SLC30A9: variants seen among roughly 807,000 people sequenced by gnomAD.
SLC30A9 encodes the protein solute carrier family 30 member 9.
SLC30A9 carries 58 observed loss-of-function variants against 87.5 expected under a neutral mutation model. That is an observed-to-expected ratio of 0.66 (90% CI 0.54 to 0.82). The LOEUF (loss-of-function observed/expected upper bound fraction) is 0.82, where lower values mean the gene tolerates loss of function less well. Among genes scored for constraint, SLC30A9 ranks in the 40% least tolerant of loss-of-function variants. The pLI, the probability that SLC30A9 is intolerant of heterozygous loss-of-function variation, is 0.00. For synonymous variants in SLC30A9, 234 were observed against 233.0 expected (o/e 1.00, Z -0.04); for missense variants, 557 against 679.1 (o/e 0.82, Z 2.00).
At chr4:42,078,359 A>T in intron 17 of SLC30A9, 34 bp downstream of exon 17, 1 of 1,122,216 alleles carries the variant, frequency 8.9e-7, no homozygotes, top group Non-Finnish European at 1.3e-6. Flanking sequence ...CATAATGATA[A>T]TGGCAGCTAT....
intron 15 of SLC30A9, among the ~76,000 whole-genome samples, 178 bp downstream of exon 15, chr4:42,070,869 C>G (rs181000278): frequency 6.6e-6 from 1 of 152,258 alleles, no homozygotes; most frequent in Non-Finnish European, 1.5e-5. Flanking sequence ...TAGGAAACTC[C>G]TTCTAAGTTT....
intron 17 of SLC30A9, among the ~76,000 whole-genome samples, chr4:42,082,771 C>CTGGG (rs1718788263): frequency 6.6e-6 from 1 of 151,286 alleles, no homozygotes; most frequent in Non-Finnish European, 1.5e-5. Context: ...TTGCTTGAAC[C>CTGGG]TGGGAGGTGG....
intron 15 of SLC30A9, among the ~76,000 whole-genome samples, chr4:42,075,057 A>T (rs1411108340): frequency 4.0e-3 from 87 of 21,520 alleles, no homozygotes; most frequent in Non-Finnish European, 5.9e-3. Flanking sequence ...ATATATATAT[A>T]TATTTTTTTT....
rs1716640950 is a variant in SLC30A9, at chr4:42,035,465, T to C, written c.669+132T>C. On this transcript the variant is annotated intron_variant, in intron 7 of 17. Coordinates refer to ENST00000264451, the MANE Select transcript of SLC30A9 (RefSeq NM_006345.4). ...CTTGAGTACATTGTAGTTCACTGAA[T>C]TATAGTCAATTCATTCATTTCCGTC... 3 of 1,016,980 alleles carry C rather than the reference T, an allele frequency of 2.9e-6. No homozygotes were observed. In the African/African-American group the frequency reaches 4.9e-5, roughly 17 times the overall value. 63.0% of individuals were successfully genotyped at this position (1,016,980 alleles called of 1,614,324 possible).
chr4:42,057,473 G>A (rs1463431110), intron 9 of SLC30A9, among the ~76,000 whole-genome samples: 2 of 152,210 alleles, frequency 1.3e-5, no homozygotes, highest in Non-Finnish European at 2.9e-5. Flanking sequence ...AATAGCTGGA[G>A]CTGTACCTTG....
rs56190460 is a variant in SLC30A9 at position 42,053,695 on chromosome 4, C to CAAAAAAAAAAA, written c.840+4235_840+4245dup. Among the ~76,000 whole-genome samples, 23 of 55,926 alleles carry CAAAAAAAAAAA rather than the reference C, an allele frequency of 4.1e-4. 1 individual carries two copies. Among genetic ancestry groups the CAAAAAAAAAAA allele is most frequent in the African/African-American group, 1.2e-3 (13 of 10,540 alleles). The allele number at this position is 55,926 out of a possible 152,430, so 36.7% of individuals were successfully genotyped here. On this transcript the variant is annotated intron_variant, in intron 9 of 17. Transcript: ENST00000264451. ...TGGATGACAAGAGTGACTCGGTCTC[C>CAAAAAAAAAAA]AAAAAAAAAAAAAAAAAAAAAAAAA...
At position 42,086,227 on chromosome 4, in the gene SLC30A9, T is replaced by C. The variant is rs1290392936; in HGVS notation, c.*101T>C. ...TCCTACACTGAAAGACTCAGTGCCA[T>C]GCAGAAGCCTTTTTTTTAAGATGAA... On this transcript the variant is annotated 3_prime_UTR_variant, in exon 18 of 18. Transcript: ENST00000264451. 3.3e-6 allele frequency: 2 copies of C among 608,290 alleles called. No individual in the cohort carries two copies. The highest frequency in any genetic ancestry group is 5.6e-6 in the Non-Finnish European group (2 of 356,474). The allele number at this position is 608,290 out of a possible 1,614,324, so 37.7% of individuals were successfully genotyped here. A position where few individuals can be genotyped will look rare whatever the true frequency, so the allele number is the denominator to read the frequency against.
intron 9 of SLC30A9, among the ~76,000 whole-genome samples, chr4:42,054,612 T>C (rs965372894): frequency 6.6e-6 from 1 of 151,370 alleles, no homozygotes; most frequent in Non-Finnish European, 1.5e-5. Flanking sequence ...TGCCTCAGCC[T>C]CCCGAGTAGC....
At chr4:42,033,811 G>A (rs999223699) in intron 6 of SLC30A9, among the ~76,000 whole-genome samples, 1 of 152,162 alleles carries the variant, frequency 6.6e-6, no homozygotes, top group Non-Finnish European at 1.5e-5. Context: ...ATCTGACCTT[G>A]TGATCCACCC....
Position 42,070,563 on chromosome 4 carries a change from G to C in SLC30A9, c.1290G>C (p.Val430=), listed in dbSNP as rs1718272145. Residue 430 remains valine (V), a synonymous_variant, in exon 15 of 18, where the codon GTG becomes GTC. Coordinates refer to ENST00000264451, the MANE Select transcript of SLC30A9 (RefSeq NM_006345.4). ...ATGACAGCCTAGGTTCTTTGGGTGTGGGCACCTTATTAGGCATGGTCTCAG... is the reference window on the plus strand; with the variant it reads ...ATGACAGCCTAGGTTCTTTGGGTGTCGGCACCTTATTAGGCATGGTCTCAG... ...PLYDSLGSLG[V]GTLLGMVSAF... is the part of the protein sequence containing the mutation. 1 of 1,613,466 alleles carries C rather than the reference G, an allele frequency of 6.2e-7. No individual in the cohort carries two copies. Among genetic ancestry groups the C allele is most frequent in the East Asian group, 2.2e-5 (1 of 44,872 alleles).
chr4:42,014,731 G>T (rs181239343), intron 2 of SLC30A9, among the ~76,000 whole-genome samples: 4 of 152,270 alleles, frequency 2.6e-5, no homozygotes, highest in Admixed American at 1.3e-4. Context: ...GCATAAAAAA[G>T]AATGAGATCC....
At chr4:42,001,574 G>A (rs1264514513) in intron 1 of SLC30A9, 42 bp from the exon 2 acceptor site, 36 of 1,329,228 alleles carry the variant, frequency 2.7e-5, no homozygotes, top group Admixed American at 5.9e-5. Context: ...TATGCAGCTA[G>A]GACTTGGTTT....
At chr4:42,037,350 T>A (rs1472207919) in intron 7 of SLC30A9, among the ~76,000 whole-genome samples, 2 of 149,330 alleles carry the variant, frequency 1.3e-5, no homozygotes, top group Non-Finnish European at 3.0e-5. Context: ...ATATATGAAA[T>A]CACAGTGTTC....
chr4:42,067,190 C>T lies in SLC30A9; in HGVS notation c.1250C>T (p.Thr417Ile). Residue 417 changes from threonine (T) to isoleucine (I), a missense_variant and splice_region_variant, in exon 14 of 18, where the codon ACA becomes ATA. Physicochemically the swap from Thr to Ile is moderately conservative, Grantham distance 89. This residue lies in a region of SLC30A9 where 467 missense variants were observed against 529.8 expected (regional missense o/e 0.88). Transcript: ENST00000264451. ...ACTTGCATGGGCCTTACTTCTATAA[C>T]AGGTAAATATTCCTTAAATTACAGG... Reference protein sequence around the residue: ...AATCMGLTSITGNPLYDSLGS... With the variant: ...AATCMGLTSIIGNPLYDSLGS... 6.5e-7 allele frequency: 1 copy of T among 1,548,720 alleles called. No individual in the cohort carries two copies. Among genetic ancestry groups the T allele is most frequent in the East Asian group, 2.3e-5 (1 of 44,414 alleles).
rs150533126 is a variant in SLC30A9, at chr4:42,068,085, A to G, written c.1252+893A>G. Among the ~76,000 whole-genome samples the G allele has an allele frequency of 1.2e-4, 18 of 152,298 alleles. No homozygotes were observed. In the East Asian group the frequency reaches 3.5e-3, roughly 29 times the overall value. On this transcript the variant is annotated intron_variant, in intron 14 of 17. Coordinates refer to ENST00000264451, the MANE Select transcript of SLC30A9 (RefSeq NM_006345.4). ...TACTATTGCTGATACTCACTGATTC[A>G]CCAAAAATTGGGTAAATAATTATTT... is the stretch of plus-strand genomic sequence containing the variant.
chr4:42,076,823 G>C (rs1464050321), intron 16 of SLC30A9, among the ~76,000 whole-genome samples: 2 of 152,050 alleles, frequency 1.3e-5, no homozygotes, highest in East Asian at 3.9e-4. Context: ...TTAGCTGGGT[G>C]TGGTGGTGCG....
intron 7 of SLC30A9, among the ~76,000 whole-genome samples, chr4:42,037,837 C>T (rs113603130): frequency 1.2e-4 from 19 of 152,082 alleles, no homozygotes; most frequent in African/African-American, 4.1e-4. Context: ...TGCCCACGAT[C>T]TCAGCTCACT....
At chr4:42,052,219 C>T (rs1399423138) in intron 9 of SLC30A9, among the ~76,000 whole-genome samples, 4 of 151,934 alleles carry the variant, frequency 2.6e-5, no homozygotes, top group Non-Finnish European at 5.9e-5. Flanking sequence ...ACATACAAGA[C>T]CTTTACGCTG....
At chr4:42,047,318 T>G (rs888330652) in intron 8 of SLC30A9, among the ~76,000 whole-genome samples, 19 of 152,314 alleles carry the variant, frequency 1.2e-4, no homozygotes, top group African/African-American at 3.8e-4. Flanking sequence ...AGAAAATTTT[T>G]GCAATCTATC....
Sources: gnomAD v4.1 joint callset for allele counts (sites outside exome capture counted in the v4.1 genomes callset) on GRCh38, gnomAD v4.1.1 for gene constraint, gnomAD v4.1.1 regional missense constraint, MANE v1.5 for transcripts, NCBI Gene and HGNC (gene_info 2026-07-23, HGNC 2026-07-21) for gene names.